The following CD2AP variants were observed in gnomAD, a reference collection of about 807,000 sequenced individuals.
The protein encoded by CD2AP is CD2-associated protein.
CD2AP carries 46 observed loss-of-function variants against 85.1 expected under a neutral mutation model. That is an observed-to-expected ratio of 0.54 (90% CI 0.43 to 0.69). CD2AP has a LOEUF of 0.69. Among genes scored for constraint, CD2AP ranks in the 30% least tolerant of loss-of-function variants. The probability of loss-of-function intolerance (pLI) is 0.00; values close to 1 mark genes in which losing one functional copy is unlikely to be tolerated. For missense variants in CD2AP, 769 were observed against 729.5 expected (o/e 1.05, Z -0.62); for synonymous variants, 255 against 252.9 (o/e 1.01, Z -0.08).
At chr6:47,522,554 G>A (rs1194308631) in intron 2 of CD2AP, among the ~76,000 whole-genome samples, 4 of 152,294 alleles carry the variant, frequency 2.6e-5, no homozygotes, top group Non-Finnish European at 4.4e-5. Context: ...TTGATCCCTT[G>A]TGAAGAGTTT....
In CD2AP at chr6:47,498,978, G is replaced by A. The variant is rs189180865; in HGVS notation, c.5-4302G>A. Among the ~76,000 whole-genome samples, 381 of 152,150 alleles carry A rather than the reference G, an allele frequency of 2.5e-3. 1 individual carries two copies. Among genetic ancestry groups the A allele is most frequent in the African/African-American group, 8.5e-3 (352 of 41,524 alleles). On this transcript the variant is annotated intron_variant, in intron 1 of 17. Transcript: ENST00000359314. ...TATGGACTCATGGCTTATTTTATTC[G>A]ATGGGGTATATTCTTTTAATTTCAT...
At chr6:47,524,633 C>T (rs567077569) in intron 2 of CD2AP, among the ~76,000 whole-genome samples, 3 of 151,900 alleles carry the variant, frequency 2.0e-5, no homozygotes, top group Admixed American at 1.3e-4. Flanking sequence ...CTGTACTTCA[C>T]TTGGCTCTCA....
At chr6:47,511,743 T>A (rs1015222829) in intron 2 of CD2AP, among the ~76,000 whole-genome samples, 1 of 152,228 alleles carries the variant, frequency 6.6e-6, no homozygotes, top group East Asian at 1.9e-4. Flanking sequence ...TTCAGATGTG[T>A]ATGTTAAAAT....
At chr6:47,580,264 A>C (rs190621895) in intron 9 of CD2AP, among the ~76,000 whole-genome samples, 34 of 152,260 alleles carry the variant, frequency 2.2e-4, no homozygotes, top group Non-Finnish European at 1.5e-4. Flanking sequence ...AATTATTCTT[A>C]ATTTGTAAAA....
chr6:47,576,360 C>G lies in CD2AP; in HGVS notation c.730-164C>G, dbSNP rs79669487. ...TAGCTCTGAGCTATGATTTAAGGAA[C>G]TTTGGAGACCTTTACCTGTTTCATT... On this transcript the variant is annotated intron_variant, in intron 6 of 17. Coordinates refer to ENST00000359314, the MANE Select transcript of CD2AP (RefSeq NM_012120.3). Among the ~76,000 whole-genome samples the G allele has an allele frequency of 4.6e-5, 7 of 152,284 alleles. No individual in the cohort carries two copies. The East Asian group carries it at 1.3e-3, about 29-fold the overall frequency.
chr6:47,549,136 C>G (rs76748947), intron 4 of CD2AP, among the ~76,000 whole-genome samples: 1 of 152,090 alleles, frequency 6.6e-6, no homozygotes, highest in African/African-American at 2.4e-5. Flanking sequence ...CCTCTGAGAA[C>G]TGGAACAAGA....
chr6:47,580,769 C>T (rs967647109), intron 9 of CD2AP, 95 bp from the exon 10 acceptor site: 2 of 847,312 alleles, frequency 2.4e-6, no homozygotes, highest in South Asian at 1.5e-5. Context: ...AGAGGAGAGA[C>T]ATTTGTATAA....
At position 47,538,452 on chromosome 6, in the gene CD2AP, G is replaced by C. The variant is rs113507145; in HGVS notation, c.319+4697G>C. 4.0e-3 allele frequency among the ~76,000 whole-genome samples: 601 copies of C among 152,032 alleles called. 2 individuals carry two copies. The highest frequency in any genetic ancestry group is 0.014 in the African/African-American group (561 of 41,446). ...AGACAGGGTTTCACCATGTTTGTTG[G>C]TCAGGCTGGTCTCGAACTCCTGACC... On this transcript the variant is annotated intron_variant, in intron 3 of 17. Coordinates refer to ENST00000359314, the MANE Select transcript of CD2AP (RefSeq NM_012120.3).
At chr6:47,600,217 A>G (rs1769093354) in intron 13 of CD2AP, among the ~76,000 whole-genome samples, 1 of 151,934 alleles carries the variant, frequency 6.6e-6, no homozygotes, top group African/African-American at 2.4e-5. Flanking sequence ...GTCTAAACAA[A>G]GTAAGCTACA....
chr6:47,595,446 G>C (rs943400123), intron 11 of CD2AP, among the ~76,000 whole-genome samples: 1 of 151,652 alleles, frequency 6.6e-6, no homozygotes, highest in Non-Finnish European at 1.5e-5. Context: ...TATAGGACTT[G>C]AGTTTCTACT....
chr6:47,577,084 T>C lies in CD2AP; in HGVS notation c.884T>C (p.Ile295Thr). ...GAACTTACTTTTAAAGAGGGGGAGA[T>C]AATCCATTTGATAAGTAAGGTAAGG... ...EDELTFKEGE[I>T]IHLISKETGE... Residue 295 changes from isoleucine (I) to threonine (T), a missense_variant, in exon 8 of 18, where the codon ATA (isoleucine) becomes ACA (threonine). Physicochemically the swap from Ile to Thr is moderately conservative, Grantham distance 89 (BLOSUM62 -1). Transcript: ENST00000359314. 1 of 1,504,934 alleles carries C rather than the reference T, an allele frequency of 6.6e-7. No individual in the cohort carries two copies. The highest frequency in any genetic ancestry group is 9.3e-7 in the Non-Finnish European group (1 of 1,081,006). The allele number at this position is 1,504,934 out of a possible 1,614,324, so 93.2% of individuals were successfully genotyped here. A position where few individuals can be genotyped will look rare whatever the true frequency, so the allele number is the denominator to read the frequency against.
At chr6:47,563,767 G>A (rs1401385185) in intron 5 of CD2AP, among the ~76,000 whole-genome samples, 1 of 152,046 alleles carries the variant, frequency 6.6e-6, no homozygotes, top group East Asian at 1.9e-4. Context: ...GAGCTCCCTG[G>A]CTGTTTAATG....
intron 3 of CD2AP, among the ~76,000 whole-genome samples, chr6:47,542,161 ATT>A (rs1300388454): frequency 6.6e-6 from 1 of 152,064 alleles, no homozygotes; most frequent in African/African-American, 2.4e-5. Flanking sequence ...TATATTAAAT[ATT>A]TTACTCTCAT....
intron 2 of CD2AP, among the ~76,000 whole-genome samples, chr6:47,510,733 A>G (rs1229332531): frequency 6.6e-6 from 1 of 152,024 alleles, no homozygotes. Context: ...TTTTCCGCAC[A>G]CCCCCTCTTT....
intron 2 of CD2AP, among the ~76,000 whole-genome samples, chr6:47,512,166 A>T (rs114567186): frequency 0.045 from 6,266 of 139,774 alleles, 285 homozygotes; most frequent in African/African-American, 0.12. Context: ...TGAAAAAAAA[A>T]ATATATATAA....
At chr6:47,491,768 A>G (rs534992449) in intron 1 of CD2AP, among the ~76,000 whole-genome samples, 1 of 152,248 alleles carries the variant, frequency 6.6e-6, no homozygotes, top group Admixed American at 6.5e-5. Flanking sequence ...TATGGATTTT[A>G]AGATTTTTAA....
Position 47,534,834 on chromosome 6 carries a change from C to T in CD2AP, c.319+1079C>T, listed in dbSNP as rs185780944. On this transcript the variant is annotated intron_variant, in intron 3 of 17. Coordinates refer to ENST00000359314, the MANE Select transcript of CD2AP (RefSeq NM_012120.3). ...TTTTTTTTTGAGATAGACTCTCACTCTGTTGTCCTGGCTGCAGTGGTGCAG... is the reference window on the plus strand; with the variant it reads ...TTTTTTTTTGAGATAGACTCTCACTTTGTTGTCCTGGCTGCAGTGGTGCAG... Among the ~76,000 whole-genome samples the T allele has an allele frequency of 9.3e-5, 14 of 150,652 alleles. No individual in the cohort carries two copies. The East Asian group carries it at 2.6e-3, about 27-fold the overall frequency.
intron 6 of CD2AP, among the ~76,000 whole-genome samples, chr6:47,575,464 A>G (rs1019817752): frequency 6.6e-6 from 1 of 152,182 alleles, no homozygotes; most frequent in South Asian, 2.1e-4. Flanking sequence ...ACCCTATATA[A>G]TGGTCTGGTC....
chr6:47,540,710 G>A (rs900359233), intron 3 of CD2AP, among the ~76,000 whole-genome samples: 5 of 152,216 alleles, frequency 3.3e-5, no homozygotes, highest in Middle Eastern at 3.4e-3. Flanking sequence ...GGGCTAATGA[G>A]TAGTCCATTT....
Sources: allele counts gnomAD v4.1 joint callset (sites outside exome capture counted in the v4.1 genomes callset), GRCh38; gene constraint gnomAD v4.1.1; transcripts MANE v1.5; gene names NCBI Gene and HGNC (gene_info 2026-07-23, HGNC 2026-07-21).